The following ACACA variants were observed in gnomAD, a reference collection of about 807,000 sequenced individuals.
The protein encoded by ACACA is acetyl-CoA carboxylase 1.
Under a neutral mutation model 296.1 loss-of-function variants are expected in ACACA, and 103 were observed. That is an observed-to-expected ratio of 0.35 (90% CI 0.30 to 0.41). The LOEUF (loss-of-function observed/expected upper bound fraction) is 0.41, where lower values mean the gene tolerates loss of function less well. Among genes scored for constraint, ACACA ranks in the 10% least tolerant of loss-of-function variants. ACACA has a pLI of 1.00. For synonymous variants in ACACA, 953 were observed against 1,038.6 expected (o/e 0.92, Z 1.58); for missense variants, 1,554 against 2,989.7 (o/e 0.52, Z 11.20).
chr17:37,396,105 C>T (rs956487164), intron 1 of ACACA, among the ~76,000 whole-genome samples: 3 of 151,954 alleles, frequency 2.0e-5, no homozygotes, highest in African/African-American at 7.3e-5. Context: ...TTTGGAGGGC[C>T]GAGTCGGGTG....
Position 37,130,113 on chromosome 17 carries a change from C to A in ACACA, c.5785G>T (p.Val1929Phe), listed in dbSNP as rs1326546754. 2 of 1,614,046 alleles carry A rather than the reference C, an allele frequency of 1.2e-6. No individual in the cohort carries two copies. The highest frequency in any genetic ancestry group is 2.2e-5 in the East Asian group (1 of 44,898). The part of the protein sequence containing the change: ...HCTVCDDFEG[V>F]FTVLHWLSYM... Reference sequence around the variant, plus strand: ...GACAGCCAGTGCAGGACAGTGAAAACCCCTTCAAAGTCATCACACACAGTG... The same window carrying A: ...GACAGCCAGTGCAGGACAGTGAAAAACCCTTCAAAGTCATCACACACAGTG... Residue 1929 changes from valine to phenylalanine, a missense_variant, in exon 46 of 56, where the codon GTT (valine) becomes TTT (phenylalanine). Coordinates refer to ENST00000616317, the MANE Select transcript of ACACA (RefSeq NM_198834.3).
chr17:37,224,063 G>T (rs920543895), intron 27 of ACACA, among the ~76,000 whole-genome samples: 3 of 152,142 alleles, frequency 2.0e-5, no homozygotes, highest in African/African-American at 7.2e-5. Flanking sequence ...TTAGCCAGGC[G>T]TGGTAGTGAG....
At chr17:37,317,764 C>G (rs938336456) in intron 3 of ACACA, among the ~76,000 whole-genome samples, 1 of 152,164 alleles carries the variant, frequency 6.6e-6, no homozygotes, top group South Asian at 2.1e-4. Context: ...GCCTTACTTA[C>G]AACATTCATA....
intron 45 of ACACA, among the ~76,000 whole-genome samples, chr17:37,132,418 C>A (rs2075142960): frequency 6.6e-6 from 1 of 152,226 alleles, no homozygotes. Flanking sequence ...ACGCTCTGAT[C>A]TGGCTCTGGT....
At chr17:37,143,230 A>C (rs1221242601) in intron 45 of ACACA, among the ~76,000 whole-genome samples, 1 of 152,012 alleles carries the variant, frequency 6.6e-6, no homozygotes, top group East Asian at 1.9e-4. Flanking sequence ...TTAACTAATA[A>C]AAAAATTGTA....
intron 3 of ACACA, among the ~76,000 whole-genome samples, chr17:37,320,592 T>C (rs1223875439): frequency 6.6e-6 from 1 of 151,812 alleles, no homozygotes; most frequent in Non-Finnish European, 1.5e-5. Context: ...CTAGATTCAA[T>C]ACCCAAGCTG....
intron 41 of ACACA, among the ~76,000 whole-genome samples, chr17:37,178,504 A>G (rs1479613681): frequency 6.6e-6 from 1 of 152,216 alleles, no homozygotes; most frequent in African/African-American, 2.4e-5. Flanking sequence ...AATACTTTAA[A>G]TGTTTTCATT....
intron 41 of ACACA, chr17:37,162,757 T>C (rs748358026): frequency 4.9e-6 from 1 of 204,014 alleles, no homozygotes; most frequent in Non-Finnish European, 1.0e-5. Context: ...TGGTACTTGG[T>C]ATCTCAGCTA....
rs2050810409 is a variant in ACACA at position 37,390,324 on chromosome 17, A to AATATATC, written c.38+15937_38+15938insGATATAT. On this transcript the variant is annotated intron_variant, in intron 1 of 55. Transcript: ENST00000616317. Reference sequence around the variant, plus strand: ...CATAATTATATATATATATATATATATATATATATAAAAGGCCAGCTGGGC... The same window carrying AATATATC: ...CATAATTATATATATATATATATATAATATATCTATATATATAAAAGGCCAGCTGGGC... Among the ~76,000 whole-genome samples, 6 of 66,870 alleles carry AATATATC rather than the reference A, an allele frequency of 9.0e-5. 2 individuals carry two copies. Among genetic ancestry groups the AATATATC allele is most frequent in the Non-Finnish European group, 1.5e-4 (6 of 40,466 alleles). The allele number at this position is 66,870 out of a possible 152,430, so 43.9% of individuals were successfully genotyped here. A position where few individuals can be genotyped will look rare whatever the true frequency, so the allele number is the denominator to read the frequency against.
chr17:37,376,753 G>C (rs924034046), intron 1 of ACACA, among the ~76,000 whole-genome samples: 1 of 152,070 alleles, frequency 6.6e-6, no homozygotes, highest in African/African-American at 2.4e-5. Context: ...TCAGGAGTTC[G>C]AGACCAGCCT....
At chr17:37,362,839 G>T (rs1297475122) in intron 1 of ACACA, among the ~76,000 whole-genome samples, 1 of 152,038 alleles carries the variant, frequency 6.6e-6, no homozygotes, top group Non-Finnish European at 1.5e-5. Flanking sequence ...GCCAGATGTG[G>T]TGGCGGGCGC....
rs544192788 is a variant in ACACA, at chr17:37,280,336, G to A, written c.611-2331C>T. ...TGATTCTCCCACCTCAGCCTCCGGA[G>A]TAGCTGAGACTACCGGCATGCGCCT... On this transcript the variant is annotated intron_variant, in intron 5 of 55. Coordinates refer to ENST00000616317, the MANE Select transcript of ACACA (RefSeq NM_198834.3). Among the ~76,000 whole-genome samples, 7 of 152,218 alleles carry A rather than the reference G, an allele frequency of 4.6e-5. No individual in the cohort carries two copies. The East Asian group carries it at 1.4e-3, about 30-fold the overall frequency.
chr17:37,362,772 G>T (rs193135598), intron 1 of ACACA, among the ~76,000 whole-genome samples: 1 of 152,044 alleles, frequency 6.6e-6, no homozygotes, highest in South Asian at 2.1e-4. Flanking sequence ...TCAGGATATC[G>T]AGACCATCCT....
rs532859856 is a variant in ACACA at position 37,165,803 on chromosome 17, A to G, written c.5080-3753T>C. 1.1e-3 allele frequency among the ~76,000 whole-genome samples: 172 copies of G among 151,892 alleles called. 1 individual carries two copies. The highest frequency in any genetic ancestry group is 4.8e-3 in the Admixed American group (73 of 15,242). ...CAATCCTCCCATCTCAGCCTCCCAA[A>G]TAACTGGGACTACAGGCATGTGCCA... On this transcript the variant is annotated intron_variant, in intron 41 of 55. Transcript: ENST00000616317.
intron 1 of ACACA, among the ~76,000 whole-genome samples, chr17:37,404,957 A>G (rs902745009): frequency 6.6e-6 from 1 of 151,984 alleles, no homozygotes; most frequent in African/African-American, 2.4e-5. Context: ...ATAAAATCCA[A>G]ACCTTACCAG....
intron 50 of ACACA, among the ~76,000 whole-genome samples, chr17:37,119,903 T>A (rs1455205450): frequency 6.7e-6 from 1 of 150,044 alleles, no homozygotes; most frequent in Non-Finnish European, 1.5e-5. Flanking sequence ...TTCTTTTTTT[T>A]TTTTTTTGAG....
chr17:37,243,323 C>T, intron 22 of ACACA, 48 bp downstream of exon 22: 1 of 1,545,266 alleles, frequency 6.5e-7, no homozygotes, highest in East Asian at 2.2e-5. Flanking sequence ...ACAACATAAA[C>T]TCTGGCATTG....
At chr17:37,306,143 T>TG (rs2083875529) in intron 3 of ACACA, among the ~76,000 whole-genome samples, 1 of 151,910 alleles carries the variant, frequency 6.6e-6, no homozygotes, top group African/African-American at 2.4e-5. Flanking sequence ...CTCCTGACCT[T>TG]GTGATCCGCC....
At chr17:37,330,463 A>C (rs777284619) in intron 2 of ACACA, 38 bp from the exon 3 acceptor site, 3 of 1,612,558 alleles carry the variant, frequency 1.9e-6, no homozygotes, top group Non-Finnish European at 2.5e-6. Flanking sequence ...GCAGGTTATG[A>C]ATAATAATCT....
Sources: gnomAD v4.1 joint callset for allele counts (sites outside exome capture counted in the v4.1 genomes callset) on GRCh38, gnomAD v4.1.1 for gene constraint, MANE v1.5 for transcripts, NCBI Gene and HGNC (gene_info 2026-07-23, HGNC 2026-07-21) for gene names.